The following XPO5 variants were observed in gnomAD, a reference collection of about 807,000 sequenced individuals.
XPO5 encodes the protein exportin 5, also known as exportin-5.
XPO5 carries 46 observed loss-of-function variants against 160.6 expected under a neutral mutation model. The observed-to-expected ratio is 0.29, with a 90% CI of 0.23 to 0.37. The LOEUF (loss-of-function observed/expected upper bound fraction) is 0.37. Among genes scored for constraint, XPO5 ranks in the 10% least tolerant of loss-of-function variants. The pLI, the probability that XPO5 is intolerant of heterozygous loss-of-function variation, is 1.00. For missense variants in XPO5, 1,090 were observed against 1,463.9 expected (o/e 0.74, Z 4.17); for synonymous variants, 537 against 519.3 (o/e 1.03, Z -0.46).
chr6:43,525,424 C>T (rs754647381), intron 28 of XPO5: 49 of 560,246 alleles, frequency 8.7e-5, no homozygotes, highest in Non-Finnish European at 1.5e-4. Context: ...AGGTGTGTGC[C>T]ACCATGCCTG....
At chr6:43,536,954 T>C (rs1794371593) in intron 20 of XPO5, among the ~76,000 whole-genome samples, 2 of 150,940 alleles carry the variant, frequency 1.3e-5, no homozygotes, top group South Asian at 4.2e-4. Flanking sequence ...CATTGAATAA[T>C]TGATTTTTGT....
intron 8 of XPO5, 28 bp downstream of exon 8, chr6:43,565,632 A>T: frequency 6.5e-7 from 1 of 1,538,744 alleles, no homozygotes; most frequent in Non-Finnish European, 8.7e-7. Context: ...AGAAATTAGA[A>T]AACACACTGA....
chr6:43,526,203 C>A, intron 27 of XPO5: 1 of 450,688 alleles, frequency 2.2e-6, no homozygotes. Flanking sequence ...TATTTGAGCA[C>A]CAGACACTGA....
At chr6:43,571,074 T>C in intron 3 of XPO5, 80 bp from the exon 4 acceptor site, 1 of 1,450,134 alleles carries the variant, frequency 6.9e-7, no homozygotes, top group South Asian at 1.4e-5. Flanking sequence ...TGTAGAGTTG[T>C]AAAAAATTTA....
At chr6:43,571,270 T>C (rs2127756724) in intron 3 of XPO5, among the ~76,000 whole-genome samples, 2 of 152,286 alleles carry the variant, frequency 1.3e-5, no homozygotes, top group South Asian at 4.1e-4. Flanking sequence ...AAGATTCTCA[T>C]ATTGATTGTT....
At chr6:43,564,930 T>TA (rs1229846007) in intron 8 of XPO5, among the ~76,000 whole-genome samples, 1 of 151,578 alleles carries the variant, frequency 6.6e-6, no homozygotes, top group Non-Finnish European at 1.5e-5. Flanking sequence ...CTCTCTTTTT[T>TA]TTTTTTTTTT....
intron 13 of XPO5, chr6:43,554,880 A>T (rs1420338397): frequency 6.6e-6 from 1 of 152,028 alleles, no homozygotes; most frequent in East Asian, 1.9e-4. Flanking sequence ...TAAGTCCCTC[A>T]AATGTCAGCC....
chr6:43,573,864 C>A (rs557567753), intron 1 of XPO5, among the ~76,000 whole-genome samples: 1 of 147,748 alleles, frequency 6.8e-6, no homozygotes, highest in Non-Finnish European at 1.5e-5. Flanking sequence ...CACTCTGTCG[C>A]CCAGGCTGGA....
At chr6:43,543,446 G>A (rs1794802490) in intron 20 of XPO5, among the ~76,000 whole-genome samples, 3 of 151,894 alleles carry the variant, frequency 2.0e-5, no homozygotes, top group Admixed American at 6.6e-5. Flanking sequence ...GGATAAGATC[G>A]TGCCTCAAAA....
In XPO5 at chr6:43,575,873, C is replaced by T. The variant is rs1409065609; in HGVS notation, c.-9G>A. 1 of 1,613,308 alleles carries T rather than the reference C, an allele frequency of 6.2e-7. No individual in the cohort carries two copies. Among genetic ancestry groups the T allele is most frequent in the Non-Finnish European group, 8.5e-7 (1 of 1,179,578 alleles). On this transcript the variant is annotated 5_prime_UTR_variant, in exon 1 of 32. Coordinates refer to ENST00000265351, the MANE Select transcript of XPO5 (RefSeq NM_020750.3). ...ACTTGATCCATCGCCATGCCTAGCG[C>T]CACGCGCCGAGAGCGCACACCACTG...
At chr6:43,529,929 T>C (rs1053003168) in intron 23 of XPO5, among the ~76,000 whole-genome samples, 1 of 119,548 alleles carries the variant, frequency 8.4e-6, no homozygotes, top group South Asian at 2.5e-4. Flanking sequence ...AAAAAAAAAG[T>C]GCTTCTAAAA....
intron 14 of XPO5, 122 bp from the exon 15 acceptor site, chr6:43,551,575 T>A (rs1350214420): frequency 8.4e-7 from 1 of 1,190,072 alleles, no homozygotes; most frequent in East Asian, 2.4e-5. Context: ...TAGGCTGGAG[T>A]GCACAGTGGC....
chr6:43,551,582 T>G, intron 14 of XPO5, 129 bp from the exon 15 acceptor site: 1 of 1,113,168 alleles, frequency 9.0e-7, no homozygotes, highest in Non-Finnish European at 1.3e-6. Flanking sequence ...GAGTGCACAG[T>G]GGCACAATCA....
Position 43,534,024 on chromosome 6 carries a change from T to C in XPO5, c.2343-17A>G. On this transcript the variant is annotated splice_polypyrimidine_tract_variant and intron_variant, in intron 20 of 31. Transcript: ENST00000265351. ...TTGTGGGTTCTGAAAGAAACAAGAA[T>C]GCTATTGAGCTTTTCCATCTGATGC... 6.3e-7 allele frequency: 1 copy of C among 1,580,162 alleles called. No homozygotes were observed.
intron 21 of XPO5, among the ~76,000 whole-genome samples, chr6:43,532,770 A>G (rs1490367959): frequency 1.3e-5 from 2 of 152,216 alleles, no homozygotes. Context: ...CCTTCACAGC[A>G]AATACCACAA....
intron 23 of XPO5, 107 bp from the exon 24 acceptor site, chr6:43,529,032 T>C: frequency 1.7e-6 from 2 of 1,175,652 alleles, no homozygotes; most frequent in Non-Finnish European, 2.4e-6. Flanking sequence ...ATTTGCCAGA[T>C]GTCAAAAATA....
In XPO5 at chr6:43,570,653, A is replaced by T. The variant is rs762264640; in HGVS notation, c.470T>A (p.Leu157His). The T allele has an allele frequency of 6.2e-7, 1 of 1,612,672 alleles. No homozygotes were observed. Among genetic ancestry groups the T allele is most frequent in the East Asian group, 2.2e-5 (1 of 44,862 alleles). Reference sequence around the variant, plus strand: ...CACTACATCCTCTGCCAGTCGCAAAAGGATAAACATCACCAATTCTGTCTG... The same window carrying T: ...CACTACATCCTCTGCCAGTCGCAAATGGATAAACATCACCAATTCTGTCTG... ...ETQTELVMFI[L>H]LRLAEDVVTF... The change falls in exon 5 of 32, where the codon CTT (leucine) becomes CAT (histidine). Residue 157 changes from leucine to histidine, a missense_variant. Physicochemically the swap from Leu to His is moderately conservative, Grantham distance 99. This residue lies in a region of XPO5 where 170 missense variants were observed against 227.0 expected (regional missense o/e 0.75). Coordinates refer to ENST00000265351, the MANE Select transcript of XPO5 (RefSeq NM_020750.3).
chr6:43,562,412 G>C, intron 8 of XPO5, 66 bp from the exon 9 acceptor site: 1 of 1,175,230 alleles, frequency 8.5e-7, no homozygotes, highest in Non-Finnish European at 1.2e-6. Context: ...ACATCACTTT[G>C]TGTCTCATTT....
At chr6:43,528,999 T>C in intron 23 of XPO5, 74 bp from the exon 24 acceptor site, 1 of 1,391,562 alleles carries the variant, frequency 7.2e-7, no homozygotes, top group Non-Finnish European at 9.9e-7. Context: ...GTTGCACCCC[T>C]GGGCAGAATC....
Sources: gnomAD v4.1 joint callset for allele counts (sites outside exome capture counted in the v4.1 genomes callset) on GRCh38, gnomAD v4.1.1 for gene constraint, gnomAD v4.1.1 regional missense constraint, MANE v1.5 for transcripts, NCBI Gene and HGNC (gene_info 2026-07-23, HGNC 2026-07-21) for gene names.